ARPP21: variants seen among roughly 807,000 people sequenced by gnomAD.
The protein encoded by ARPP21 is cAMP-regulated phosphoprotein 21.
Under a neutral mutation model 113.2 loss-of-function variants are expected in ARPP21, and 69 were observed. The ratio of observed to expected loss-of-function variants is 0.61; its 90% CI spans 0.50 to 0.74. The LOEUF (loss-of-function observed/expected upper bound fraction) is 0.74. ARPP21 is among the 30% of genes least tolerant of loss of function. The pLI is 0.00. For synonymous variants in ARPP21, 368 were observed against 375.5 expected (o/e 0.98, Z 0.23); for missense variants, 1,070 against 1,037.4 (o/e 1.03, Z -0.43).
chr3:35,784,788 T>A (rs1034161526), intron 19 of ARPP21: 1 of 152,196 alleles, frequency 6.6e-6, no homozygotes, highest in African/African-American at 2.4e-5. Context: ...TATAATGCTT[T>A]ATTATATAAA....
chr3:35,781,131 T>C (rs1183204406), intron 19 of ARPP21, among the ~76,000 whole-genome samples: 1 of 152,144 alleles, frequency 6.6e-6, no homozygotes, highest in Non-Finnish European at 1.5e-5. Flanking sequence ...AGATAGCTGG[T>C]TGTCCCTTGT....
rs146967811 is a variant in ARPP21 at position 35,661,411 on chromosome 3, C to G, written c.-212-18376C>G. 4.1e-3 allele frequency among the ~76,000 whole-genome samples: 627 copies of G among 152,158 alleles called. 6 individuals are homozygous for G. The highest frequency in any genetic ancestry group is 0.014 in the African/African-American group (595 of 41,514). ...AAAGAGGAAAAGAGATAAAGTGACT[C>G]TGTCAGTCTTTACCAGTAAAAGTCA... On this transcript the variant is annotated intron_variant, in intron 1 of 20. Coordinates refer to ENST00000684406, the MANE Select transcript of ARPP21 (RefSeq NM_001385562.1).
intron 1 of ARPP21, among the ~76,000 whole-genome samples, chr3:35,671,939 G>A (rs2076436121): frequency 6.6e-6 from 1 of 151,988 alleles, no homozygotes; most frequent in Non-Finnish European, 1.5e-5. Flanking sequence ...TCAACCACAT[G>A]TGCATCATCA....
At chr3:35,761,772 CA>C (rs1284836435) in intron 19 of ARPP21, among the ~76,000 whole-genome samples, 1 of 152,166 alleles carries the variant, frequency 6.6e-6, no homozygotes, top group East Asian at 1.9e-4. Context: ...AAGCTGTGAG[CA>C]AAAGAGCTTA....
Position 35,653,668 on chromosome 3 carries a change from A to C in ARPP21, c.-213+13270A>C, listed in dbSNP as rs375319380. 2.0e-5 allele frequency among the ~76,000 whole-genome samples: 3 copies of C among 152,064 alleles called. No homozygotes were observed. In the East Asian group the frequency reaches 5.8e-4, roughly 29 times the overall value. The stretch of plus-strand genomic sequence containing the variant: ...CATCTCTGCCTCTTACTCACCTAGC[A>C]AAGTTAATTAACCATTGTGAGTTTA... On this transcript the variant is annotated intron_variant, in intron 1 of 20. Transcript: ENST00000684406.
Position 35,679,121 on chromosome 3 carries a change from G to T in ARPP21, c.-212-666G>T, listed in dbSNP as rs1311131198. On this transcript the variant is annotated intron_variant, in intron 1 of 20. Transcript: ENST00000684406. ...TCTTTGCTGTCAAACAGAATGCCCA[G>T]CTGGCAGTGGCAATCCCGATGGGGA... is the stretch of plus-strand genomic sequence containing the variant. Among the ~76,000 whole-genome samples, 9 of 152,004 alleles carry T rather than the reference G, an allele frequency of 5.9e-5. No homozygotes were observed. The East Asian group carries it at 1.6e-3, about 26-fold the overall frequency.
At chr3:35,715,592 G>A (rs938770259) in intron 12 of ARPP21, 116 bp downstream of exon 12, 9 of 775,656 alleles carry the variant, frequency 1.2e-5, no homozygotes, top group African/African-American at 1.7e-5. Flanking sequence ...TGTATTAGCA[G>A]ATACATATAT....
At position 35,709,070 on chromosome 3, in the gene ARPP21, T is replaced by A. The variant is rs1390969017; in HGVS notation, c.897T>A (p.Asp299Glu). The A allele has an allele frequency of 1.2e-6, 2 of 1,603,606 alleles. No homozygotes were observed. The highest frequency in any genetic ancestry group is 1.3e-5 in the African/African-American group (1 of 74,770). ...TGAGGGAGAGAATATTTGCACACGA[T>A]GTGAGTAGTTGTTTTAATTGCCTCT... Reference protein sequence around the residue: ...QRVRERIFAHDSVCSQESLFV... With the variant: ...QRVRERIFAHESVCSQESLFV... Residue 299 changes from aspartate (D) to glutamate (E), a missense_variant and splice_region_variant, in exon 11 of 21, where the codon GAT becomes GAA. Asp to Glu is a conservative substitution (Grantham distance 45, BLOSUM62 2). Transcript: ENST00000684406.
At chr3:35,739,209 C>T in intron 17 of ARPP21, 108 bp from the exon 18 acceptor site, 2 of 1,299,250 alleles carry the variant, frequency 1.5e-6, no homozygotes, top group South Asian at 1.5e-5. Flanking sequence ...AATTGTACTT[C>T]CTGTCTCTCC....
chr3:35,686,696 T>C (rs1448234161), intron 5 of ARPP21, among the ~76,000 whole-genome samples: 3 of 151,630 alleles, frequency 2.0e-5, no homozygotes, highest in Non-Finnish European at 3.0e-5. Flanking sequence ...TAAATTTTAA[T>C]GTCACTAGTG....
At chr3:35,787,774 T>A (rs372150411) in intron 19 of ARPP21, among the ~76,000 whole-genome samples, 1 of 152,162 alleles carries the variant, frequency 6.6e-6, no homozygotes, top group East Asian at 1.9e-4. Flanking sequence ...ACTTGCCACA[T>A]AAAAGGGATG....
intron 1 of ARPP21, chr3:35,651,720 T>A (rs1416355389): frequency 1.3e-5 from 2 of 152,092 alleles, no homozygotes; most frequent in African/African-American, 4.8e-5. Context: ...CATTTCTTGG[T>A]ACTCATTTTT....
intron 19 of ARPP21, among the ~76,000 whole-genome samples, chr3:35,773,685 GAGTTAT>G (rs1487861954): frequency 2.0e-5 from 3 of 152,036 alleles, no homozygotes; most frequent in African/African-American, 7.2e-5. Flanking sequence ...GGCCACTAAG[GAGTTAT>G]AGTTCATGAA....
At chr3:35,725,078 A>C (rs1256131070) in intron 14 of ARPP21, among the ~76,000 whole-genome samples, 1 of 152,182 alleles carries the variant, frequency 6.6e-6, no homozygotes, top group Non-Finnish European at 1.5e-5. Flanking sequence ...GAAAAGCAGG[A>C]GACTCTTCAA....
At chr3:35,699,436 A>G (rs1044096720) in intron 9 of ARPP21, among the ~76,000 whole-genome samples, 1 of 151,712 alleles carries the variant, frequency 6.6e-6, no homozygotes, top group African/African-American at 2.4e-5. Flanking sequence ...GTGTATAATG[A>G]ATATGATAAT....
At position 35,739,479 on chromosome 3, in the gene ARPP21, ACAGGAGGATTCT is replaced by A; in HGVS notation, c.1917_1928del (p.Gly640_Gly643del). ...CGCCTCTACAGGCCAGCAGCTTCCT[ACAGGAGGATTCT>A]CAGGCTCTGGCCCTCCCATCTCCCA... On this transcript the variant is annotated inframe_deletion, in exon 18 of 21. Coordinates refer to ENST00000684406, the MANE Select transcript of ARPP21 (RefSeq NM_001385562.1). 6.2e-7 allele frequency: 1 copy of A among 1,614,080 alleles called. No individual in the cohort carries two copies. Among genetic ancestry groups the A allele is most frequent in the Non-Finnish European group, 8.5e-7 (1 of 1,179,998 alleles).
In ARPP21 at chr3:35,700,939, T is replaced by C. The variant is rs114433915; in HGVS notation, c.687-6035T>C. Among the ~76,000 whole-genome samples the C allele has an allele frequency of 6.2e-3, 947 of 151,718 alleles. 15 individuals carry two copies. Among genetic ancestry groups the C allele is most frequent in the African/African-American group, 0.022 (893 of 41,456 alleles). ...ATACCTAATATAAATGACGAGTTGA[T>C]GGGTACAGCAAGCCAACATGGCACA... On this transcript the variant is annotated intron_variant, in intron 9 of 20. Coordinates refer to ENST00000684406, the MANE Select transcript of ARPP21 (RefSeq NM_001385562.1).
At chr3:35,786,637 ACAAACCAAGTGGTTTGT>A (rs1228785834) in intron 19 of ARPP21, among the ~76,000 whole-genome samples, 1 of 152,090 alleles carries the variant, frequency 6.6e-6, no homozygotes, top group East Asian at 1.9e-4. Flanking sequence ...ACAAACTTTG[ACAAACCAAGTGGTTTGT>A]CAAACCACGT....
intron 1 of ARPP21, among the ~76,000 whole-genome samples, chr3:35,663,398 G>C (rs549498517): frequency 1.3e-5 from 2 of 152,282 alleles, no homozygotes; most frequent in South Asian, 4.1e-4. Flanking sequence ...CATAGTTCTT[G>C]CATCTGACAA....
Sources: allele counts gnomAD v4.1 joint callset (sites outside exome capture counted in the v4.1 genomes callset), GRCh38; gene constraint gnomAD v4.1.1; transcripts MANE v1.5; gene names NCBI Gene and HGNC (gene_info 2026-07-23, HGNC 2026-07-21).